INPP5A: variants seen among roughly 807,000 people sequenced by gnomAD.
INPP5A encodes inositol polyphosphate-5-phosphatase A, also known as 43 kDa inositol polyphosphate 5-phophatase.
A neutral mutation model predicts 65.2 loss-of-function variants in INPP5A; 14 were observed. The ratio of observed to expected loss-of-function variants is 0.21; its 90% CI spans 0.14 to 0.34. INPP5A has a LOEUF of 0.34. Among genes scored for constraint, INPP5A ranks in the 10% least tolerant of loss-of-function variants. The probability of loss-of-function intolerance (pLI) is 1.00; values close to 1 mark genes in which losing one functional copy is unlikely to be tolerated. For missense variants in INPP5A, 431 were observed against 545.6 expected (o/e 0.79, Z 2.09); for synonymous variants, 207 against 208.3 (o/e 0.99, Z 0.05).
chr10:132,605,469 T>G (rs1439023302), intron 1 of INPP5A, among the ~76,000 whole-genome samples: 1 of 42,924 alleles, frequency 2.3e-5, no homozygotes, highest in Non-Finnish European at 4.7e-5. Context: ...TGTGGATCCC[T>G]TGGAGGGATG....
chr10:132,686,118 C>T (rs1462378328), intron 4 of INPP5A, among the ~76,000 whole-genome samples: 1 of 152,206 alleles, frequency 6.6e-6, no homozygotes, highest in Non-Finnish European at 1.5e-5. Flanking sequence ...CCCACCAGTG[C>T]AGCCCCAGCC....
chr10:132,662,404 G>A (rs567780850), intron 4 of INPP5A, among the ~76,000 whole-genome samples: 10 of 152,340 alleles, frequency 6.6e-5, no homozygotes, highest in Non-Finnish European at 1.0e-4. Context: ...GCCACAGCAG[G>A]TGAGTGGGAA....
intron 4 of INPP5A, among the ~76,000 whole-genome samples, chr10:132,652,111 A>G (rs1170523002): frequency 1.3e-5 from 2 of 151,552 alleles, no homozygotes; most frequent in East Asian, 3.9e-4. Context: ...CTTTCCATAA[A>G]ATGGCAGCTT....
At chr10:132,567,965 G>A (rs1283525929) in intron 1 of INPP5A, among the ~76,000 whole-genome samples, 1 of 151,950 alleles carries the variant, frequency 6.6e-6, no homozygotes, top group Non-Finnish European at 1.5e-5. Flanking sequence ...GGCCGAGGCG[G>A]GCGGATCATG....
At chr10:132,577,226 C>T (rs955924664) in intron 1 of INPP5A, among the ~76,000 whole-genome samples, 1 of 152,140 alleles carries the variant, frequency 6.6e-6, no homozygotes, top group South Asian at 2.1e-4. Flanking sequence ...GGTTGCTCCC[C>T]CCCGGCACGC....
At chr10:132,608,049 C>CCATGGAG in intron 2 of INPP5A, 93 bp downstream of exon 2, 5 of 1,151,740 alleles carry the variant, frequency 4.3e-6, no homozygotes, top group Non-Finnish European at 6.5e-6. Context: ...TCTGGTGTGT[C>CCATGGAG]TATGGGGAGC....
intron 4 of INPP5A, among the ~76,000 whole-genome samples, chr10:132,681,873 TC>T (rs2073051085): frequency 6.6e-6 from 1 of 152,204 alleles, no homozygotes; most frequent in African/African-American, 2.4e-5. Flanking sequence ...GGAAAGAAAT[TC>T]TGGCAAGCAC....
At chr10:132,749,979 G>C in intron 11 of INPP5A, 134 bp downstream of exon 11, 1 of 837,842 alleles carries the variant, frequency 1.2e-6, no homozygotes, top group Non-Finnish European at 2.0e-6. Context: ...CTGAGCCAGT[G>C]CAAGTCAGAC....
Position 132,549,176 on chromosome 10 carries a change from G to T in INPP5A, c.75+11005G>T, listed in dbSNP as rs1424210486. On this transcript the variant is annotated intron_variant, in intron 1 of 15. Transcript: ENST00000368594. This position sits in a 1 kb window ranked among gnomAD's most constrained non-coding sequence, Gnocchi z 4.9. The stretch of plus-strand genomic sequence containing the variant: ...TCCAGTCGCCCACAGATGGACGTCG[G>T]GGCTATCGTGGCTAGTGTACTGTTT... Among the ~76,000 whole-genome samples the T allele has an allele frequency of 6.6e-6, 1 of 152,150 alleles. No homozygotes were observed. The highest frequency in any genetic ancestry group is 2.4e-5 in the African/African-American group (1 of 41,432).
At chr10:132,593,167 G>C (rs1242248908) in intron 1 of INPP5A, among the ~76,000 whole-genome samples, 1 of 152,176 alleles carries the variant, frequency 6.6e-6, no homozygotes, top group Non-Finnish European at 1.5e-5. Flanking sequence ...ATTAACCTAA[G>C]ATCAGCTGGA....
intron 1 of INPP5A, among the ~76,000 whole-genome samples, chr10:132,574,700 T>C (rs1370383500): frequency 6.6e-6 from 1 of 151,360 alleles, no homozygotes; most frequent in East Asian, 1.9e-4. Flanking sequence ...CTCAGTATTT[T>C]TTTTTTTTGA....
intron 1 of INPP5A, among the ~76,000 whole-genome samples, chr10:132,584,211 G>T (rs931716951): frequency 2.0e-5 from 3 of 152,214 alleles, no homozygotes; most frequent in South Asian, 2.1e-4. Flanking sequence ...TGGTGTTGGG[G>T]TTATGCTGGC....
chr10:132,671,781 G>A (rs2072895699), intron 4 of INPP5A, among the ~76,000 whole-genome samples: 2 of 152,230 alleles, frequency 1.3e-5, no homozygotes, highest in Admixed American at 6.5e-5. Context: ...TCTTCCCCGT[G>A]TCACAGATAG....
intron 1 of INPP5A, among the ~76,000 whole-genome samples, chr10:132,564,496 C>T (rs765385438): frequency 1.4e-4 from 21 of 152,122 alleles, no homozygotes; most frequent in Non-Finnish European, 5.9e-5. Flanking sequence ...CCTCCTCCTC[C>T]TCAGAGTCAC....
rs902271822 is a variant in INPP5A, at chr10:132,653,217, C to T, written c.306+2712C>T. Among the ~76,000 whole-genome samples, 8 of 152,274 alleles carry T rather than the reference C, an allele frequency of 5.3e-5. No homozygotes were observed. The East Asian group carries it at 1.2e-3, about 22-fold the overall frequency. ...TGCTGTAGTTCTGTTTCCACCAAAA[C>T]GTTTTTCCACATGAGGGCGAAAGCC... On this transcript the variant is annotated intron_variant, in intron 4 of 15. Transcript: ENST00000368594.
rs1284999589 is a variant in INPP5A at position 132,555,076 on chromosome 10, G to A, written c.75+16905G>A. Among the ~76,000 whole-genome samples, 1 of 151,898 alleles carries A rather than the reference G, an allele frequency of 6.6e-6. No individual in the cohort carries two copies. Among genetic ancestry groups the A allele is most frequent in the Non-Finnish European group, 1.5e-5 (1 of 67,948 alleles). The stretch of plus-strand genomic sequence containing the variant: ...TGGGTGGCGTGGTTGGCATTGATGT[G>A]GGTAGCATGGGCAGTGTGGGTGGCA... On this transcript the variant is annotated intron_variant, in intron 1 of 15. Transcript: ENST00000368594. The surrounding 1 kb of genome is among the most constrained non-coding windows in gnomAD (Gnocchi z 4.4).
intron 4 of INPP5A, among the ~76,000 whole-genome samples, chr10:132,664,310 A>G (rs2072775173): frequency 1.3e-5 from 2 of 152,242 alleles, no homozygotes; most frequent in Admixed American, 1.3e-4. Context: ...AAACTGAATG[A>G]ACAAATATTT....
intron 8 of INPP5A, among the ~76,000 whole-genome samples, chr10:132,720,339 T>C (rs1289564495): frequency 6.8e-6 from 1 of 147,088 alleles, no homozygotes; most frequent in East Asian, 2.1e-4. Context: ...GGAGGCGCCT[T>C]AGACAGCTGT....
At chr10:132,654,604 C>T (rs1037280332) in intron 4 of INPP5A, among the ~76,000 whole-genome samples, 1 of 152,228 alleles carries the variant, frequency 6.6e-6, no homozygotes, top group Non-Finnish European at 1.5e-5. Context: ...CCTGCCCCAG[C>T]CAGGTGCCCT....
Sources: gnomAD v4.1 joint callset for allele counts (sites outside exome capture counted in the v4.1 genomes callset) on GRCh38, gnomAD v4.1.1 for gene constraint, Gnocchi (gnomAD v3.1) non-coding constraint, MANE v1.5 for transcripts, NCBI Gene and HGNC (gene_info 2026-07-23, HGNC 2026-07-21) for gene names.